The following CMIP variants were observed in gnomAD, a reference collection of about 807,000 sequenced individuals.
CMIP encodes the protein C-Maf-inducing protein.
CMIP carries 13 observed loss-of-function variants against 97.3 expected under a neutral mutation model. The ratio of observed to expected loss-of-function variants is 0.13; its 90% CI spans 0.09 to 0.21. CMIP has a LOEUF of 0.21. CMIP is among the 10% of genes least tolerant of loss of function. CMIP has a pLI of 1.00. For synonymous variants in CMIP, 538 were observed against 436.3 expected (o/e 1.23, Z -2.91); for missense variants, 847 against 1,024.9 (o/e 0.83, Z 2.37).
intron 1 of CMIP, among the ~76,000 whole-genome samples, chr16:81,511,117 T>A (rs1325953394): frequency 1.3e-5 from 2 of 152,202 alleles, no homozygotes; most frequent in African/African-American, 4.8e-5. Flanking sequence ...CAGCTTATGA[T>A]GAGTCTTGGG....
chr16:81,606,249 G>C lies in CMIP; in HGVS notation c.301-1318G>C, dbSNP rs924761902. ...CCTTGGGCAAATCACGTGACCTCCT[G>C]AGCCTCAGCTTCCTTGTCTATATGA... On this transcript the variant is annotated intron_variant, in intron 1 of 20. Coordinates refer to ENST00000537098, the MANE Select transcript of CMIP (RefSeq NM_198390.3). Among the ~76,000 whole-genome samples the C allele has an allele frequency of 3.9e-5, 6 of 152,196 alleles. No homozygotes were observed. In the East Asian group the frequency reaches 1.2e-3, roughly 29 times the overall value.
intron 1 of CMIP, among the ~76,000 whole-genome samples, chr16:81,559,738 C>G (rs1190189921): frequency 6.6e-6 from 1 of 152,300 alleles, no homozygotes; most frequent in East Asian, 1.9e-4. Flanking sequence ...AAGTTACTGG[C>G]TTGTGCATTC....
chr16:81,620,068 T>TA (rs2091972648), intron 2 of CMIP: 1 of 152,230 alleles, frequency 6.6e-6, no homozygotes, highest in African/African-American at 2.4e-5. Context: ...ACCTGCCATG[T>TA]GCCAAGCCTG....
intron 1 of CMIP, among the ~76,000 whole-genome samples, chr16:81,543,108 A>G (rs775719937): frequency 6.6e-6 from 1 of 152,216 alleles, no homozygotes; most frequent in Non-Finnish European, 1.5e-5. Context: ...GGCTGGTGGC[A>G]CTGTGTGTCA....
chr16:81,707,587 G>T (rs1908292839), intron 20 of CMIP, among the ~76,000 whole-genome samples: 1 of 152,252 alleles, frequency 6.6e-6, no homozygotes, highest in African/African-American at 2.4e-5. Flanking sequence ...GAAGCAGGGA[G>T]GGTTGAGCAG....
rs148318158 is a variant in CMIP, at chr16:81,622,946, G to A, written c.477+2020G>A. ...TGGCCAGGTGTGGTGGCTCATGCCTGTAATCCCAACACTTTGGGAGGCCAA... is the reference window on the plus strand; with the variant it reads ...TGGCCAGGTGTGGTGGCTCATGCCTATAATCCCAACACTTTGGGAGGCCAA... On this transcript the variant is annotated intron_variant, in intron 3 of 20. Transcript: ENST00000537098. Among the ~76,000 whole-genome samples the A allele has an allele frequency of 7.3e-3, 1,113 of 152,348 alleles. 12 individuals carry two copies. Among genetic ancestry groups the A allele is most frequent in the African/African-American group, 0.025 (1,056 of 41,580 alleles).
intron 13 of CMIP, chr16:81,695,437 C>T (rs1168564889): frequency 6.6e-6 from 1 of 152,218 alleles, no homozygotes; most frequent in Admixed American, 6.5e-5. Context: ...CCTTTGTTTT[C>T]TGTGTGCTCG....
chr16:81,471,866 C>T (rs1311089662), intron 1 of CMIP, among the ~76,000 whole-genome samples: 1 of 152,224 alleles, frequency 6.6e-6, no homozygotes, highest in Non-Finnish European at 1.5e-5. Context: ...AGGGAGGACT[C>T]ACGTCCTGGA....
At chr16:81,523,450 G>T (rs982538775) in intron 1 of CMIP, among the ~76,000 whole-genome samples, 3 of 152,166 alleles carry the variant, frequency 2.0e-5, no homozygotes, top group African/African-American at 4.8e-5. Context: ...TCACACGGCC[G>T]CAAGGTGGGT....
chr16:81,484,627 T>C (rs963180868), intron 1 of CMIP, among the ~76,000 whole-genome samples: 5 of 152,176 alleles, frequency 3.3e-5, no homozygotes, highest in Admixed American at 6.5e-5. Context: ...GGCTCTCTGC[T>C]GCAGTTGGTG....
chr16:81,560,386 T>A (rs1367615986), intron 1 of CMIP, among the ~76,000 whole-genome samples: 2 of 151,916 alleles, frequency 1.3e-5, no homozygotes, highest in African/African-American at 2.4e-5. Context: ...TCCTGGCTCA[T>A]TTTTTGTATT....
At chr16:81,699,822 C>T in intron 15 of CMIP, 21 bp downstream of exon 15, 5 of 1,547,884 alleles carry the variant, frequency 3.2e-6, no homozygotes, top group Non-Finnish European at 3.6e-6. Context: ...GGTCGGGGTC[C>T]CTGGTGGGGT....
At chr16:81,648,737 C>G (rs1210157266) in intron 3 of CMIP, among the ~76,000 whole-genome samples, 1 of 126,762 alleles carries the variant, frequency 7.9e-6, no homozygotes, top group Non-Finnish European at 1.6e-5. Flanking sequence ...GAGCTGAGAT[C>G]TCACCACTAC....
intron 2 of CMIP, chr16:81,610,474 CCG>C: frequency 1.0e-6 from 1 of 986,034 alleles, no homozygotes. Flanking sequence ...AGATCCAGAG[CCG>C]GACTCCGAGC....
chr16:81,607,541 C>G (rs918080624), intron 1 of CMIP, 26 bp from the exon 2 acceptor site: 3 of 1,611,966 alleles, frequency 1.9e-6, no homozygotes, highest in African/African-American at 2.7e-5. Context: ...CAATGCATAT[C>G]TCTTCTTTTT....
At chr16:81,625,130 G>A (rs549976779) in intron 3 of CMIP, among the ~76,000 whole-genome samples, 1 of 152,330 alleles carries the variant, frequency 6.6e-6, no homozygotes, top group South Asian at 2.1e-4. Flanking sequence ...CTCTTTCTCT[G>A]AGCAGCTCTG....
chr16:81,690,368 C>T (rs187608015), intron 10 of CMIP, among the ~76,000 whole-genome samples: 2 of 152,342 alleles, frequency 1.3e-5, no homozygotes, highest in African/African-American at 4.8e-5. Context: ...AGAGGTCCTT[C>T]ACTTCCCTTG....
intron 18 of CMIP, among the ~76,000 whole-genome samples, chr16:81,705,190 A>G (rs1296378637): frequency 1.3e-5 from 2 of 152,326 alleles, no homozygotes; most frequent in Non-Finnish European, 1.5e-5. Context: ...AGCAGGAGAA[A>G]GCCACCTAGG....
chr16:81,678,248 T>C (rs758619640), intron 9 of CMIP, 27 bp from the exon 10 acceptor site: 10 of 1,535,788 alleles, frequency 6.5e-6, no homozygotes, highest in South Asian at 1.2e-5. Flanking sequence ...CCTGTACTCA[T>C]GTGCCCTCTC....
Sources: gnomAD v4.1 joint callset for allele counts (sites outside exome capture counted in the v4.1 genomes callset) on GRCh38, gnomAD v4.1.1 for gene constraint, MANE v1.5 for transcripts, NCBI Gene and HGNC (gene_info 2026-07-23, HGNC 2026-07-21) for gene names.